CSF1R: variants seen among roughly 807,000 people sequenced by gnomAD.
CSF1R encodes the protein colony stimulating factor 1 receptor.
In CSF1R, 40 loss-of-function variants were observed where a neutral mutation model predicts 110.0. That is an observed-to-expected ratio of 0.36 (90% CI 0.28 to 0.47). CSF1R has a LOEUF of 0.47. Among genes scored for constraint, CSF1R ranks in the 20% least tolerant of loss-of-function variants. CSF1R has a pLI of 0.99. For synonymous variants in CSF1R, 523 were observed against 503.4 expected (o/e 1.04, Z -0.52); for missense variants, 1,052 against 1,253.0 (o/e 0.84, Z 2.42).
Position 150,078,201 on chromosome 5 carries a change from G to A in CSF1R, c.640C>T (p.Arg214Trp), listed in dbSNP as rs1758361379. The change falls in exon 4 of 21, where the codon CGG (arginine) becomes TGG (tryptophan). Residue 214 changes from arginine (R) to tryptophan (W), a missense_variant. By Grantham distance (101) the Arg-to-Trp change is moderately radical (BLOSUM62 -3). Coordinates refer to ENST00000675795, the MANE Select transcript of CSF1R (RefSeq NM_001288705.3). ...ALTLVPAELV[R>W]IRGEAAQIVC... Reference sequence around the variant, plus strand: ...ATCTGGGCAGCCTCCCCTCGAATCCGCACCAGCTCTGCAGGCACCAGTGTC... The same window carrying A: ...ATCTGGGCAGCCTCCCCTCGAATCCACACCAGCTCTGCAGGCACCAGTGTC... The A allele has an allele frequency of 6.2e-7, 1 of 1,614,110 alleles. No homozygotes were observed. Among genetic ancestry groups the A allele is most frequent in the Non-Finnish European group, 8.5e-7 (1 of 1,180,000 alleles).
intron 2 of CSF1R, 88 bp from the exon 3 acceptor site, chr5:150,080,424 G>A: frequency 1.3e-6 from 2 of 1,496,248 alleles, no homozygotes; most frequent in Non-Finnish European, 1.8e-6. Context: ...GAAGCTCAGA[G>A]AGGCTGATCA....
intron 1 of CSF1R, among the ~76,000 whole-genome samples, chr5:150,102,573 A>G (rs1759436607): frequency 6.6e-6 from 1 of 152,084 alleles, no homozygotes. Flanking sequence ...TCTGACTCCC[A>G]GGTTCAAGCG....
intron 1 of CSF1R, among the ~76,000 whole-genome samples, chr5:150,082,356 C>T (rs182414621): frequency 1.8e-4 from 27 of 152,376 alleles, no homozygotes; most frequent in African/African-American, 5.5e-4. Context: ...TTTCCTCTCT[C>T]AAGTCCTTTC....
At chr5:150,095,915 C>T (rs1426623179) in intron 1 of CSF1R, among the ~76,000 whole-genome samples, 5 of 152,060 alleles carry the variant, frequency 3.3e-5, no homozygotes. Flanking sequence ...ATAAAATGGA[C>T]AAATTATTTG....
chr5:150,078,280 A>G (rs766314440), intron 3 of CSF1R, 32 bp from the exon 4 acceptor site: 2 of 1,612,422 alleles, frequency 1.2e-6, no homozygotes, highest in African/African-American at 1.3e-5. Flanking sequence ...CTGAACACCC[A>G]GGCTCCCTGA....
intron 1 of CSF1R, among the ~76,000 whole-genome samples, chr5:150,099,834 C>T (rs1044673413): frequency 6.6e-6 from 1 of 151,568 alleles, no homozygotes; most frequent in African/African-American, 2.4e-5. Flanking sequence ...TCAAAAGTAG[C>T]AGAATTGTAG....
intron 1 of CSF1R, chr5:150,094,390 T>C: frequency 6.3e-7 from 1 of 1,599,666 alleles, no homozygotes; most frequent in Non-Finnish European, 8.5e-7. Context: ...GAGCTGAAGA[T>C]GAAGCGCCTG....
At chr5:150,073,160 G>T (rs963826838) in intron 6 of CSF1R, 141 bp downstream of exon 6, 2 of 774,342 alleles carry the variant, frequency 2.6e-6, no homozygotes, top group Non-Finnish European at 4.2e-6. Flanking sequence ...ATGAAGTCAG[G>T]GAAAGCGAAG....
intron 1 of CSF1R, among the ~76,000 whole-genome samples, chr5:150,107,636 G>A (rs1759592624): frequency 6.6e-6 from 1 of 152,236 alleles, no homozygotes; most frequent in South Asian, 2.1e-4. Context: ...GAGCCCACAT[G>A]TTCAACCACT....
chr5:150,107,574 G>C (rs1255737999), intron 1 of CSF1R, among the ~76,000 whole-genome samples: 2 of 152,250 alleles, frequency 1.3e-5, no homozygotes, highest in South Asian at 2.1e-4. Context: ...CCTGCCTGGA[G>C]TTAAACAGCT....
chr5:150,060,505 G>A (rs973852946), intron 13 of CSF1R, among the ~76,000 whole-genome samples: 2 of 152,042 alleles, frequency 1.3e-5, no homozygotes, highest in African/African-American at 4.8e-5. Context: ...GGGGCCCTGG[G>A]GAGAGTGTCC....
chr5:150,108,129 G>A (rs1759608028), intron 1 of CSF1R, among the ~76,000 whole-genome samples: 1 of 152,200 alleles, frequency 6.6e-6, no homozygotes, highest in African/African-American at 2.4e-5. Context: ...GCACAGTAAA[G>A]GCCTGGAGGC....
chr5:150,073,416 C>T lies in CSF1R; in HGVS notation c.967G>A (p.Val323Ile), dbSNP rs1287668240. The change falls in exon 6 of 21, where the codon GTC (valine) becomes ATC (isoleucine). Residue 323 changes from valine (V) to isoleucine (I), a missense_variant. Physicochemically the swap from Val to Ile is conservative, Grantham distance 29. Around this residue, in one of 5 missense-constraint regions of CSF1R, gnomAD observed 693 missense variants for 735.4 expected, o/e 0.94. Transcript: ENST00000675795. Reference sequence around the variant, plus strand: ...AGGCCTGGGTAGGCCTCCACCATGACTTTGAGGTTGAGCCCCTCCCCCACG... The same window carrying T: ...AGGCCTGGGTAGGCCTCCACCATGATTTTGAGGTTGAGCCCCTCCCCCACG... ...VTVGEGLNLKVMVEAYPGLQG... is the reference protein window; with the variant it reads ...VTVGEGLNLKIMVEAYPGLQG... The T allele has an allele frequency of 6.2e-7, 1 of 1,614,096 alleles. No homozygotes were observed. The highest frequency in any genetic ancestry group is 8.5e-7 in the Non-Finnish European group (1 of 1,180,014).
intron 5 of CSF1R, among the ~76,000 whole-genome samples, chr5:150,075,326 C>T (rs562487608): frequency 6.6e-6 from 1 of 152,316 alleles, no homozygotes; most frequent in African/African-American, 2.4e-5. Context: ...TCAGCTCCAG[C>T]CTGGACCACT....
chr5:150,109,057 C>T (rs1056463342), intron 1 of CSF1R, among the ~76,000 whole-genome samples: 11 of 34,766 alleles, frequency 3.2e-4, no homozygotes, highest in Non-Finnish European at 1.4e-4. Flanking sequence ...AGGAGAAGCC[C>T]GCCCCCCCCC....
chr5:150,064,927 C>T lies in CSF1R; in HGVS notation c.1627-3078G>A, dbSNP rs373255918. On this transcript the variant is annotated intron_variant, in intron 10 of 20. Transcript: ENST00000675795. ...CTGGAAAGGGCTCATGGGCGTCTACCCAGAGGCAGCCTCTCTTCCAAAGAA... is the reference window on the plus strand; with the variant it reads ...CTGGAAAGGGCTCATGGGCGTCTACTCAGAGGCAGCCTCTCTTCCAAAGAA... Among the ~76,000 whole-genome samples, 187 of 152,294 alleles carry T rather than the reference C, an allele frequency of 1.2e-3. 2 individuals carry two copies. In the South Asian group the frequency reaches 0.034, roughly 28 times the overall value.
rs754740710 is a variant in CSF1R, at chr5:150,057,574, G to A, written c.2151C>T (p.Ser717=). 1.5e-5 allele frequency: 24 copies of A among 1,614,018 alleles called. No individual in the cohort carries two copies. The South Asian group carries it at 2.6e-4, about 18-fold the overall frequency. The part of the protein sequence containing the change: ...KYVRRDSGFS[S]QGVDTYVEMR... ...TCTCCACATAGGTGTCCACACCCTG[G>A]CTGGAGAAGCCACTGTCCCTACATA... The change falls in exon 15 of 21, where the codon AGC becomes AGT. Residue 717 remains serine, a synonymous_variant. Transcript: ENST00000675795.
intron 5 of CSF1R, 33 bp downstream of exon 5, chr5:150,077,243 C>G: frequency 6.2e-7 from 1 of 1,614,016 alleles, no homozygotes; most frequent in Non-Finnish European, 8.5e-7. Flanking sequence ...TGCAGGATCC[C>G]TACCGACTGT....
Position 150,080,227 on chromosome 5 carries a change from C to T in CSF1R, c.417G>A (p.Ser139=), listed in dbSNP as rs61753457. Residue 139 remains serine (S), a synonymous_variant, in exon 3 of 21, where the codon TCG becomes TCA. Transcript: ENST00000675795. The part of the protein sequence containing the change: ...LTDPVLEAGV[S]LVRVRGRPLM... ...GGGGCCGGCCACGCACACGCACCAG[C>T]GAGACGCCTGCTTCCAGCACCGGGT... The T allele has an allele frequency of 7.8e-4, 1,261 of 1,613,848 alleles. 8 individuals are homozygous for T. The African/African-American group carries it at 0.015, about 19-fold the overall frequency.
Sources: allele counts gnomAD v4.1 joint callset (sites outside exome capture counted in the v4.1 genomes callset), GRCh38; gene constraint gnomAD v4.1.1; regional missense constraint gnomAD v4.1.1; transcripts MANE v1.5; gene names NCBI Gene and HGNC (gene_info 2026-07-23, HGNC 2026-07-21).